Variants in PDE6C observed in about 807,000 individuals in gnomAD.
PDE6C encodes the protein phosphodiesterase 6C.
A neutral mutation model predicts 113.1 loss-of-function variants in PDE6C; 75 were observed. The observed-to-expected ratio is 0.66, with a 90% CI of 0.55 to 0.80. PDE6C has a LOEUF of 0.80. PDE6C is among the 30% of genes least tolerant of loss of function. The probability of loss-of-function intolerance (pLI) is 0.00; values close to 1 mark genes in which losing one functional copy is unlikely to be tolerated. For missense variants in PDE6C, 912 were observed against 1,038.6 expected (o/e 0.88, Z 1.67); for synonymous variants, 375 against 363.7 (o/e 1.03, Z -0.35).
chr10:93,625,632 A>G lies in PDE6C; in HGVS notation c.922A>G (p.Lys308Glu). The G allele has an allele frequency of 6.2e-7, 1 of 1,612,484 alleles. No individual in the cohort carries two copies. Among genetic ancestry groups the G allele is most frequent in the Non-Finnish European group, 8.5e-7 (1 of 1,178,484 alleles). The change falls in exon 5 of 22, where the codon AAG becomes GAG. Residue 308 changes from lysine to glutamate, a missense_variant. By Grantham distance (56) the Lys-to-Glu change is moderately conservative (BLOSUM62 1). Coordinates refer to ENST00000371447, the MANE Select transcript of PDE6C (RefSeq NM_006204.4). ...LGEVEPYKGP[K>E]TPDGREVNFY... ...AGAAGTAGAGCCTTATAAAGGTCCA[A>G]AGACACCTGATGGCAGGGTACGTGC...
intron 12 of PDE6C, 36 bp from the exon 13 acceptor site, chr10:93,640,414 C>T (rs1011509808): frequency 6.7e-7 from 1 of 1,491,594 alleles, no homozygotes. Context: ...CTTTAGAATT[C>T]TATTCCAAAG....
At position 93,629,702 on chromosome 10, in the gene PDE6C, C is replaced by T. The variant is rs150184806; in HGVS notation, c.1119+397C>T. 6.1e-3 allele frequency among the ~76,000 whole-genome samples: 925 copies of T among 152,226 alleles called. 5 individuals carry two copies. Among genetic ancestry groups the T allele is most frequent in the Middle Eastern group, 0.014 (4 of 294 alleles). On this transcript the variant is annotated intron_variant, in intron 8 of 21. Coordinates refer to ENST00000371447, the MANE Select transcript of PDE6C (RefSeq NM_006204.4). ...GGCATTAGTTAGATTCTCATAAGGA[C>T]GGCACAACCCAGATCTCTCACATGC...
chr10:93,650,976 C>A (rs1290027572), intron 15 of PDE6C, among the ~76,000 whole-genome samples: 1 of 151,962 alleles, frequency 6.6e-6, no homozygotes. Context: ...TAATTGAGTC[C>A]AGTACTTATT....
At position 93,665,399 on chromosome 10, in the gene PDE6C, A is replaced by T. The variant is rs2058685348; in HGVS notation, c.2558A>T (p.Lys853Ile). ...DSGGGDDKKS[K>I]TCLML ...GGAGGTGGTGATGACAAAAAGTCCA[A>T]AACATGTTTAATGTTGTAATATTAT... The change falls in exon 22 of 22, where the codon AAA (lysine) becomes ATA (isoleucine). Residue 853 changes from lysine to isoleucine, a missense_variant. Lys to Ile is a moderately radical substitution (Grantham distance 102). Coordinates refer to ENST00000371447, the MANE Select transcript of PDE6C (RefSeq NM_006204.4). 6.2e-7 allele frequency: 1 copy of T among 1,605,624 alleles called. No individual in the cohort carries two copies. Among genetic ancestry groups the T allele is most frequent in the African/African-American group, 1.3e-5 (1 of 74,722 alleles).
chr10:93,658,211 AAAG>A (rs1193384532), intron 16 of PDE6C, among the ~76,000 whole-genome samples: 2 of 97,778 alleles, frequency 2.0e-5, no homozygotes, highest in Non-Finnish European at 4.3e-5. Flanking sequence ...AAAAGAAAAG[AAAG>A]AAAGAAAGAA....
intron 4 of PDE6C, 113 bp downstream of exon 4, chr10:93,622,185 G>C (rs1208620992): frequency 6.3e-6 from 7 of 1,119,764 alleles, no homozygotes; most frequent in Non-Finnish European, 9.4e-6. Context: ...AGTCATGATT[G>C]ATGACAAGAA....
chr10:93,613,577 C>G, intron 1 of PDE6C, among the ~76,000 whole-genome samples: 1 of 152,168 alleles, frequency 6.6e-6, no homozygotes, highest in East Asian at 1.9e-4. Context: ...AACAAACTAC[C>G]CCACTAGGGA....
chr10:93,659,316 A>T (rs1345648702), intron 18 of PDE6C, 149 bp downstream of exon 18: 1 of 635,988 alleles, frequency 1.6e-6, no homozygotes, highest in Non-Finnish European at 2.8e-6. Context: ...TAGGCCCTAG[A>T]ATAAAGCAAA....
At position 93,613,211 on chromosome 10, in the gene PDE6C, T is replaced by C. The variant is rs761809835; in HGVS notation, c.480+6T>C. ...ATGTCCCAGATGTGAAAAAGGTAGG[T>C]GGCCTTATGACAGTGGGGCAGAGGT... On this transcript the variant is annotated splice_donor_region_variant and intron_variant, in intron 1 of 21. Coordinates refer to ENST00000371447, the MANE Select transcript of PDE6C (RefSeq NM_006204.4). The C allele has an allele frequency of 4.3e-6, 7 of 1,613,466 alleles. No homozygotes were observed. The highest frequency in any genetic ancestry group is 5.1e-6 in the Non-Finnish European group (6 of 1,180,018).
rs760291862 is a variant in PDE6C at position 93,654,798 on chromosome 10, C to CT, written c.1936-959dup. Among the ~76,000 whole-genome samples, 4 of 92,596 alleles carry CT rather than the reference C, an allele frequency of 4.3e-5. 1 individual carries two copies. Among genetic ancestry groups the CT allele is most frequent in the African/African-American group, 8.8e-5 (2 of 22,686 alleles). 60.7% of individuals were successfully genotyped at this position (92,596 alleles called of 152,430 possible). A position where few individuals can be genotyped will look rare whatever the true frequency, so the allele number is the denominator to read the frequency against. ...TCTTTCTTTCTTTCTTTCTTTCTTT[C>CT]TTTCTTTCTTTCTTTTTTTTTTTTT... On this transcript the variant is annotated intron_variant, in intron 15 of 21. Transcript: ENST00000371447.
At position 93,637,247 on chromosome 10, in the gene PDE6C, C is replaced by G. The variant is rs73329310; in HGVS notation, c.1482+184C>G. ...CTTTTGATTCCCTGCTTTTCTTCAT[C>G]TTTGTCGCCTCTGGTCCAATTCATA... On this transcript the variant is annotated intron_variant, in intron 11 of 21. Transcript: ENST00000371447. Among the ~76,000 whole-genome samples the G allele has an allele frequency of 9.7e-3, 1,480 of 152,244 alleles. 27 individuals are homozygous for G. Among genetic ancestry groups the G allele is most frequent in the African/African-American group, 0.033 (1,390 of 41,542 alleles).
chr10:93,648,890 A>T (rs913522489), intron 15 of PDE6C, among the ~76,000 whole-genome samples: 2 of 152,216 alleles, frequency 1.3e-5, no homozygotes, highest in African/African-American at 4.8e-5. Context: ...TATCAACCGC[A>T]TCAGCCTGCC....
At chr10:93,640,627 A>G (rs908670268) in intron 13 of PDE6C, 70 bp downstream of exon 13, 18 of 1,068,820 alleles carry the variant, frequency 1.7e-5, no homozygotes, top group Admixed American at 3.4e-5. Flanking sequence ...AGAAATAGGT[A>G]TGGTCCATCA....
chr10:93,639,129 C>T (rs559590), intron 11 of PDE6C, among the ~76,000 whole-genome samples: 45,794 of 152,056 alleles, frequency 0.3, 7,061 homozygotes, highest in Admixed American at 0.37. Flanking sequence ...CTCATTTCTG[C>T]CTCTTAGCAC....
At chr10:93,637,989 T>A (rs1210067239) in intron 11 of PDE6C, among the ~76,000 whole-genome samples, 1 of 152,162 alleles carries the variant, frequency 6.6e-6, no homozygotes, top group African/African-American at 2.4e-5. Flanking sequence ...TGGAATGATC[T>A]TTTTTGGCTT....
chr10:93,662,453 T>G lies in PDE6C; in HGVS notation c.2284-107T>G, dbSNP rs1344455488. 3 of 525,748 alleles carry G rather than the reference T, an allele frequency of 5.7e-6. No individual in the cohort carries two copies. In the East Asian group the frequency reaches 1.1e-4, roughly 19 times the overall value. The allele number at this position is 525,748 out of a possible 1,614,324, so 32.6% of individuals were successfully genotyped here. On this transcript the variant is annotated intron_variant, in intron 19 of 21. Transcript: ENST00000371447. ...ACCCAGACTGGAGACAGAGTGAGACTCTGCCTCAAAAAAAAAAAAAAAAAA... is the reference window on the plus strand; with the variant it reads ...ACCCAGACTGGAGACAGAGTGAGACGCTGCCTCAAAAAAAAAAAAAAAAAA...
chr10:93,618,286 CT>C (rs915515029), intron 1 of PDE6C, among the ~76,000 whole-genome samples: 6 of 151,614 alleles, frequency 4.0e-5, no homozygotes, highest in African/African-American at 9.7e-5. Flanking sequence ...GCCAGACACT[CT>C]TTTTTTTTCT....
intron 14 of PDE6C, among the ~76,000 whole-genome samples, chr10:93,643,934 A>T (rs2058571287): frequency 6.6e-6 from 1 of 152,170 alleles, no homozygotes; most frequent in East Asian, 1.9e-4. Context: ...CTAATTCAAG[A>T]TCTAATCAAG....
chr10:93,664,544 A>G (rs916796464), intron 21 of PDE6C, among the ~76,000 whole-genome samples: 1 of 152,208 alleles, frequency 6.6e-6, no homozygotes, highest in Non-Finnish European at 1.5e-5. Flanking sequence ...ATTTCAAAAC[A>G]ATAAGTGATT....
Sources: allele counts gnomAD v4.1 joint callset (sites outside exome capture counted in the v4.1 genomes callset), GRCh38; gene constraint gnomAD v4.1.1; transcripts MANE v1.5; gene names NCBI Gene and HGNC (gene_info 2026-07-23, HGNC 2026-07-21).